EPHA8: variants seen among roughly 807,000 people sequenced by gnomAD.
EPHA8 encodes ephrin type-A receptor 8.
In EPHA8, 58 loss-of-function variants were observed where a neutral mutation model predicts 103.6. The ratio of observed to expected loss-of-function variants is 0.56; its 90% CI spans 0.45 to 0.70. The LOEUF (loss-of-function observed/expected upper bound fraction) is 0.70, where lower values mean the gene tolerates loss of function less well. Ranked by LOEUF, EPHA8 falls within the 30% of genes least tolerant of loss-of-function variation. EPHA8 has a pLI of 0.00. For synonymous variants in EPHA8, 559 were observed against 572.5 expected (o/e 0.98, Z 0.34); for missense variants, 1,304 against 1,395.2 (o/e 0.93, Z 1.04).
Position 22,601,705 on chromosome 1 carries a change from G to T in EPHA8, c.2982G>T (p.Gln994His). ...GCAGCATTCAGACCATGCGGGCCCA[G>T]CTGACCAGCACCCAGGGGCCCCGCC... is the stretch of plus-strand genomic sequence containing the variant. Reference protein sequence around the residue: ...ILGSIQTMRAQLTSTQGPRRH... With the variant: ...ILGSIQTMRAHLTSTQGPRRH... Residue 994 changes from glutamine to histidine, a missense_variant, in exon 17 of 17, where the codon CAG (glutamine) becomes CAT (histidine). Gln to His is a conservative substitution (Grantham distance 24). Transcript: ENST00000166244. The T allele has an allele frequency of 1.3e-6, 2 of 1,576,856 alleles. No individual in the cohort carries two copies. The highest frequency in any genetic ancestry group is 1.7e-6 in the Non-Finnish European group (2 of 1,161,180).
Position 22,576,571 on chromosome 1 carries a change from A to G in EPHA8, c.514A>G (p.Ser172Gly), listed in dbSNP as rs1241219559. The G allele has an allele frequency of 6.2e-7, 1 of 1,614,160 alleles. No individual in the cohort carries two copies. Among genetic ancestry groups the G allele is most frequent in the African/African-American group, 1.3e-5 (1 of 75,066 alleles). ...RRLKLNTEVRSVGPLSKRGFY... is the reference protein window; with the variant it reads ...RRLKLNTEVRGVGPLSKRGFY... ...TCTCAAGCTCAACACGGAGGTGCGC[A>G]GTGTGGGTCCCCTCAGCAAGCGCGG... The change falls in exon 3 of 17, where the codon AGT becomes GGT. Residue 172 changes from serine (S) to glycine (G), a missense_variant. By Grantham distance (56) the Ser-to-Gly change is moderately conservative. Transcript: ENST00000166244. The surrounding 1 kb of genome is among the most constrained non-coding windows in gnomAD (Gnocchi z 4.8).
rs1641754209 is a variant in EPHA8 at position 22,602,047 on chromosome 1, C to T, written c.*306C>T. ...GACATCACTCGCCTGCCTCTGTGTGCGTGCATGTGTGTGTGTGGTGGGGGG... is the reference window on the plus strand; with the variant it reads ...GACATCACTCGCCTGCCTCTGTGTGTGTGCATGTGTGTGTGTGGTGGGGGG... On this transcript the variant is annotated 3_prime_UTR_variant, in exon 17 of 17. Transcript: ENST00000166244. 6 of 501,724 alleles carry T rather than the reference C, an allele frequency of 1.2e-5. No individual in the cohort carries two copies. The highest frequency in any genetic ancestry group is 2.0e-5 in the African/African-American group (1 of 49,716). 31.1% of individuals were successfully genotyped at this position (501,724 alleles called of 1,614,324 possible).
chr1:22,572,913 C>A (rs1034419678), intron 2 of EPHA8, among the ~76,000 whole-genome samples: 1 of 152,250 alleles, frequency 6.6e-6, no homozygotes, highest in Non-Finnish European at 1.5e-5. Context: ...ATCAGCAGCT[C>A]CCGGGGCTGG....
chr1:22,594,969 T>A (rs1054850140), intron 7 of EPHA8, among the ~76,000 whole-genome samples: 12 of 152,268 alleles, frequency 7.9e-5, no homozygotes, highest in African/African-American at 2.9e-4. Flanking sequence ...TCTTCTCCGG[T>A]ACCACAGCCA....
rs1641570855 is a variant in EPHA8, at chr1:22,597,978, A to G, written c.2116+117A>G. 1.2e-5 allele frequency: 17 copies of G among 1,469,824 alleles called. No homozygotes were observed. The highest frequency in any genetic ancestry group is 5.6e-5 in the African/African-American group (4 of 70,882). 91.0% of individuals were successfully genotyped at this position (1,469,824 alleles called of 1,614,324 possible). A position where few individuals can be genotyped will look rare whatever the true frequency, so the allele number is the denominator to read the frequency against. On this transcript the variant is annotated intron_variant, in intron 11 of 16. Transcript: ENST00000166244. The surrounding 1 kb of genome is among the most constrained non-coding windows in gnomAD (Gnocchi z 4.6). Reference sequence around the variant, plus strand: ...CCACCTGACCCTGTCCTCTTGGTTCAGGTCCCTGAATGACTCGGGGTGCCC... The same window carrying G: ...CCACCTGACCCTGTCCTCTTGGTTCGGGTCCCTGAATGACTCGGGGTGCCC...
chr1:22,570,349 T>C (rs1640498982), intron 2 of EPHA8, among the ~76,000 whole-genome samples: 1 of 112,722 alleles, frequency 8.9e-6, no homozygotes, highest in African/African-American at 4.7e-5. Context: ...CATGCGTGGG[T>C]ACACACATGC....
In EPHA8 at chr1:22,600,821, A is replaced by G. The variant is rs209702; in HGVS notation, c.2538+11A>G. On this transcript the variant is annotated intron_variant, in intron 14 of 16. Transcript: ENST00000166244. Reference sequence around the variant, plus strand: ...ATGACCAACCGGGATGTGAGTGCCAAGCCCTGGCAGGTCCGCGGGCGGTGG... The same window carrying G: ...ATGACCAACCGGGATGTGAGTGCCAGGCCCTGGCAGGTCCGCGGGCGGTGG... 0.42 allele frequency: 678,852 copies of G among 1,599,034 alleles called. 149,403 individuals carry two copies. The highest frequency in any genetic ancestry group is 0.72 in the African/African-American group (54,044 of 74,750).
intron 3 of EPHA8, among the ~76,000 whole-genome samples, chr1:22,578,152 GTGTGTGCATGAGTGTATGTGTGCA>G (rs1370753467): frequency 1.1e-5 from 1 of 87,358 alleles, no homozygotes; most frequent in Non-Finnish European, 2.4e-5. Context: ...GTATGTGTGC[GTGTGTGCATGAGTGTATGTGTGCA>G]TGTGTGTGCG....
chr1:22,585,061 G>A (rs559867563), intron 3 of EPHA8, among the ~76,000 whole-genome samples: 1 of 152,216 alleles, frequency 6.6e-6, no homozygotes, highest in African/African-American at 2.4e-5. Context: ...GCGCACGCGT[G>A]TGTCTAGAGT....
Position 22,589,769 on chromosome 1 carries a change from C to A in EPHA8, c.1315+563C>A. ...CCCCCGGAACCTCTTTCTTCCCAAA[C>A]TCTGGAGGACCCTGCCCGTCAAGTG... On this transcript the variant is annotated intron_variant, in intron 5 of 16. Coordinates refer to ENST00000166244, the MANE Select transcript of EPHA8 (RefSeq NM_020526.5). The surrounding 1 kb of genome is among the most constrained non-coding windows in gnomAD (Gnocchi z 4.3). The A allele has an allele frequency of 1.2e-6, 1 of 844,692 alleles. No homozygotes were observed. Among genetic ancestry groups the A allele is most frequent in the Non-Finnish European group, 1.4e-6 (1 of 698,334 alleles). The allele number at this position is 844,692 out of a possible 1,614,324, so 52.3% of individuals were successfully genotyped here.
intron 5 of EPHA8, among the ~76,000 whole-genome samples, chr1:22,591,412 G>A (rs1641369538): frequency 6.6e-6 from 1 of 150,522 alleles, no homozygotes. Flanking sequence ...GTAGAGATGG[G>A]GTCTCCCTAT....
At chr1:22,586,777 A>T in intron 4 of EPHA8, 142 bp downstream of exon 4, 581 of 930,406 alleles carry the variant, frequency 6.2e-4, no homozygotes, top group Middle Eastern at 1.3e-3. Flanking sequence ...GGCCAGTCTG[A>T]GGTGGGGGGG....
intron 3 of EPHA8, among the ~76,000 whole-genome samples, chr1:22,577,433 C>G (rs58632954): frequency 9.2e-5 from 14 of 152,212 alleles, no homozygotes; most frequent in African/African-American, 3.1e-4. Flanking sequence ...TGCTCGAAAC[C>G]GCTGAACTTC....
chr1:22,584,126 T>G (rs1206047270), intron 3 of EPHA8, among the ~76,000 whole-genome samples: 2 of 152,214 alleles, frequency 1.3e-5, no homozygotes, highest in East Asian at 1.9e-4. Context: ...TCAACAAATA[T>G]TTGCTGACAA....
intron 1 of EPHA8, among the ~76,000 whole-genome samples, chr1:22,564,371 A>C (rs547400723): frequency 7.2e-6 from 1 of 138,032 alleles, no homozygotes; most frequent in South Asian, 2.5e-4. Context: ...AAGGGAGGGC[A>C]GGGGAGTTCC....
chr1:22,596,720 G>A (rs992997703), intron 9 of EPHA8, among the ~76,000 whole-genome samples: 6 of 151,382 alleles, frequency 4.0e-5, no homozygotes, highest in African/African-American at 1.5e-4. Context: ...GGAGTGCAGT[G>A]GCTCAATCTC....
At chr1:22,578,054 T>TGCATGTGTGC (rs1640799431) in intron 3 of EPHA8, among the ~76,000 whole-genome samples, 1 of 84,562 alleles carries the variant, frequency 1.2e-5, no homozygotes, top group Admixed American at 1.4e-4. Context: ...TGCATGTGTG[T>TGCATGTGTGC]GCATGTGTGC....
chr1:22,586,557 G>T lies in EPHA8; in HGVS notation c.901G>T (p.Ala301Ser). The T allele has an allele frequency of 6.2e-7, 1 of 1,613,816 alleles. No homozygotes were observed. The highest frequency in any genetic ancestry group is 8.5e-7 in the Non-Finnish European group (1 of 1,179,974). Residue 301 changes from alanine to serine, a missense_variant, in exon 4 of 17, where the codon GCT (alanine) becomes TCT (serine). Transcript: ENST00000166244. Reference protein sequence around the residue: ...ARCPPHSHSAAPAAQACHCDL... With the variant: ...ARCPPHSHSASPAAQACHCDL... ...CTGCCCTCCCCACAGCCACTCCGCA[G>T]CTCCAGCCGCCCAAGCCTGCCACTG... is the stretch of plus-strand genomic sequence containing the variant.
At chr1:22,590,819 C>T (rs1641352407) in intron 5 of EPHA8, among the ~76,000 whole-genome samples, 1 of 152,146 alleles carries the variant, frequency 6.6e-6, no homozygotes, top group African/African-American at 2.4e-5. Context: ...TAGGACCCAG[C>T]TGCCCACTCC....
Sources: gnomAD v4.1 joint callset for allele counts (sites outside exome capture counted in the v4.1 genomes callset) on GRCh38, gnomAD v4.1.1 for gene constraint, Gnocchi (gnomAD v3.1) non-coding constraint, MANE v1.5 for transcripts, NCBI Gene and HGNC (gene_info 2026-07-23, HGNC 2026-07-21) for gene names.